LPP: variants seen among roughly 807,000 people sequenced by gnomAD.
LPP encodes the protein LIM domain containing preferred translocation partner in lipoma.
LPP carries 38 observed loss-of-function variants against 60.4 expected under a neutral mutation model. That is an observed-to-expected ratio of 0.63 (90% CI 0.49 to 0.83). The LOEUF (loss-of-function observed/expected upper bound fraction) is 0.83, where lower values mean the gene tolerates loss of function less well. LPP is among the 40% of genes least tolerant of loss of function. The probability of loss-of-function intolerance (pLI) is 0.00; values close to 1 mark genes in which losing one functional copy is unlikely to be tolerated. For synonymous variants in LPP, 328 were observed against 290.8 expected (o/e 1.13, Z -1.30); for missense variants, 902 against 783.6 (o/e 1.15, Z -1.80).
chr3:188,484,860 A>G (rs1805874858), intron 5 of LPP, among the ~76,000 whole-genome samples, 156 bp downstream of exon 5: 1 of 152,236 alleles, frequency 6.6e-6, no homozygotes, highest in Non-Finnish European at 1.5e-5. Flanking sequence ...TGAAGATCTA[A>G]GGTACTTTAA....
intron 7 of LPP, among the ~76,000 whole-genome samples, chr3:188,642,076 A>G (rs1046540218): frequency 3.3e-5 from 5 of 151,260 alleles, no homozygotes; most frequent in African/African-American, 1.2e-4. Context: ...CTTACTTCAT[A>G]TTCATGAGCC....
intron 2 of LPP, among the ~76,000 whole-genome samples, chr3:188,240,523 A>T (rs566744505): frequency 6.6e-6 from 1 of 152,298 alleles, no homozygotes; most frequent in Non-Finnish European, 1.5e-5. Context: ...TTTATTTTGT[A>T]GGGAAGGAAA....
chr3:188,857,952 A>G (rs1044847556), intron 9 of LPP, among the ~76,000 whole-genome samples: 1 of 152,230 alleles, frequency 6.6e-6, no homozygotes, highest in Non-Finnish European at 1.5e-5. Context: ...ACTAACATTT[A>G]TTATATAGTC....
At chr3:188,631,521 G>C (rs1847847609) in intron 7 of LPP, among the ~76,000 whole-genome samples, 1 of 152,160 alleles carries the variant, frequency 6.6e-6, no homozygotes, top group Non-Finnish European at 1.5e-5. Flanking sequence ...TTCCTAAAGA[G>C]AAAGTATCTC....
chr3:188,294,156 T>G (rs1747044665), intron 2 of LPP, among the ~76,000 whole-genome samples: 1 of 148,692 alleles, frequency 6.7e-6, no homozygotes, highest in Admixed American at 6.8e-5. Flanking sequence ...ATCTATAGAG[T>G]CTGTAGCGAT....
rs1843391676 is a variant in LPP, at chr3:188,610,158, T to A, written c.1113+314T>A. 6.6e-6 allele frequency among the ~76,000 whole-genome samples: 1 copy of A among 152,246 alleles called. No homozygotes were observed. The highest frequency in any genetic ancestry group is 1.5e-5 in the Non-Finnish European group (1 of 68,050). On this transcript the variant is annotated intron_variant, in intron 7 of 11. Coordinates refer to ENST00000617246, the MANE Select transcript of LPP (RefSeq NM_001375462.1). This position sits in a 1 kb window ranked among gnomAD's most constrained non-coding sequence, Gnocchi z 4.4. ...AAGAGAAAATAATTTATTTTTCACA[T>A]CCTTCCCTATATTGGTTAAAGCTTC...
intron 5 of LPP, among the ~76,000 whole-genome samples, chr3:188,487,121 A>G (rs958717419): frequency 6.6e-6 from 1 of 152,208 alleles, no homozygotes; most frequent in African/African-American, 2.4e-5. Context: ...ATTGAAAACT[A>G]GTTACATAGA....
At chr3:188,295,082 C>A (rs1181854735) in intron 2 of LPP, among the ~76,000 whole-genome samples, 3 of 152,164 alleles carry the variant, frequency 2.0e-5, no homozygotes, top group Non-Finnish European at 4.4e-5. Context: ...AGCCGGTGGA[C>A]GTGTGTAGAG....
At chr3:188,290,164 C>T (rs1483263520) in intron 2 of LPP, among the ~76,000 whole-genome samples, 3 of 151,908 alleles carry the variant, frequency 2.0e-5, no homozygotes, top group Non-Finnish European at 4.4e-5. Context: ...TTAATAGAGA[C>T]GAGGTTTCAC....
chr3:188,390,963 G>C (rs974097921), intron 3 of LPP, among the ~76,000 whole-genome samples: 1 of 152,092 alleles, frequency 6.6e-6, no homozygotes, highest in Non-Finnish European at 1.5e-5. Context: ...AGAATACTTC[G>C]GGGTCACAGA....
intron 4 of LPP, among the ~76,000 whole-genome samples, chr3:188,417,113 T>C (rs920591234): frequency 2.0e-5 from 3 of 152,060 alleles, no homozygotes; most frequent in African/African-American, 7.2e-5. Flanking sequence ...TATAGGTCAT[T>C]GGGATGTGGC....
At chr3:188,869,793 A>G (rs942114125) in intron 10 of LPP, among the ~76,000 whole-genome samples, 1 of 152,200 alleles carries the variant, frequency 6.6e-6, no homozygotes, top group African/African-American at 2.4e-5. Flanking sequence ...TTAATGGACC[A>G]TCCTCTACAT....
At chr3:188,739,816 A>G (rs1259351077) in intron 8 of LPP, among the ~76,000 whole-genome samples, 1 of 152,046 alleles carries the variant, frequency 6.6e-6, no homozygotes, top group African/African-American at 2.4e-5. Context: ...GCTAAAAGCC[A>G]GAGTTTGGAA....
At chr3:188,551,687 TACTGTGGGTTGAGG>T (rs1828171973) in intron 6 of LPP, among the ~76,000 whole-genome samples, 1 of 152,122 alleles carries the variant, frequency 6.6e-6, no homozygotes, top group African/African-American at 2.4e-5. Flanking sequence ...GTTTGGTGTG[TACTGTGGGTTGAGG>T]AAGATTGTGT....
Position 188,693,890 on chromosome 3 carries a change from G to A in LPP, c.1114-14377G>A, listed in dbSNP as rs144874384. 3.3e-3 allele frequency among the ~76,000 whole-genome samples: 495 copies of A among 152,248 alleles called. 1 individual carries two copies. Among genetic ancestry groups the A allele is most frequent in the Middle Eastern group, 0.01 (3 of 294 alleles). On this transcript the variant is annotated intron_variant, in intron 7 of 11. Coordinates refer to ENST00000617246, the MANE Select transcript of LPP (RefSeq NM_001375462.1). ...TTTATTGGTGCAAAGAGAATTAAAC[G>A]AATATTGAATTAGACCTTCCTTCCT...
intron 8 of LPP, among the ~76,000 whole-genome samples, chr3:188,716,762 T>C (rs1714178438): frequency 6.6e-6 from 1 of 152,148 alleles, no homozygotes; most frequent in Non-Finnish European, 1.5e-5. Context: ...TAATCCCTTG[T>C]TGGTGAAAAT....
chr3:188,635,975 G>A (rs16863480), intron 7 of LPP, among the ~76,000 whole-genome samples: 6 of 152,102 alleles, frequency 3.9e-5, no homozygotes, highest in African/African-American at 9.7e-5. Context: ...AGCCTAGATC[G>A]TTGAAAAGGA....
chr3:188,502,255 T>C (rs531600868), intron 5 of LPP, among the ~76,000 whole-genome samples: 1 of 152,194 alleles, frequency 6.6e-6, no homozygotes, highest in African/African-American at 2.4e-5. Flanking sequence ...TTCCTTCAAT[T>C]CTGGTAATTT....
At position 188,609,551 on chromosome 3, in the gene LPP, G is replaced by A; in HGVS notation, c.820G>A (p.Ala274Thr). The A allele has an allele frequency of 1.9e-6, 3 of 1,614,182 alleles. No individual in the cohort carries two copies. The highest frequency in any genetic ancestry group is 2.5e-6 in the Non-Finnish European group (3 of 1,180,038). ...PPSTRGGMDY[A>T]YIPPPGLQPE... Reference sequence around the variant, plus strand: ...TTCAACACGGGGAGGCATGGATTATGCCTACATTCCACCACCAGGACTTCA... The same window carrying A: ...TTCAACACGGGGAGGCATGGATTATACCTACATTCCACCACCAGGACTTCA... Residue 274 changes from alanine (A) to threonine (T), a missense_variant, in exon 7 of 12, where the codon GCC becomes ACC. Physicochemically the swap from Ala to Thr is moderately conservative, Grantham distance 58. Coordinates refer to ENST00000617246, the MANE Select transcript of LPP (RefSeq NM_001375462.1). This position sits in a 1 kb window ranked among gnomAD's most constrained non-coding sequence, Gnocchi z 6.9.
Sources: allele counts gnomAD v4.1 joint callset (sites outside exome capture counted in the v4.1 genomes callset), GRCh38; gene constraint gnomAD v4.1.1; non-coding constraint Gnocchi (gnomAD v3.1); transcripts MANE v1.5; gene names NCBI Gene and HGNC (gene_info 2026-07-23, HGNC 2026-07-21).